The following SEMA5B variants were observed in gnomAD, a reference collection of about 807,000 sequenced individuals.
The protein encoded by SEMA5B is semaphorin-5B.
SEMA5B carries 66 observed loss-of-function variants against 135.0 expected under a neutral mutation model. The observed-to-expected ratio is 0.49, with a 90% CI of 0.40 to 0.60. SEMA5B has a LOEUF of 0.60. SEMA5B is among the 20% of genes least tolerant of loss of function. SEMA5B has a pLI of 0.00. For missense variants in SEMA5B, 1,501 were observed against 1,566.3 expected (o/e 0.96, Z 0.70); for synonymous variants, 690 against 639.5 (o/e 1.08, Z -1.19).
At chr3:122,993,781 C>T (rs1332360740) in intron 1 of SEMA5B, among the ~76,000 whole-genome samples, 7 of 151,928 alleles carry the variant, frequency 4.6e-5, no homozygotes, top group Non-Finnish European at 2.9e-5. Flanking sequence ...CCACCCCTCC[C>T]GCTCCTGCCT....
At chr3:122,952,110 T>C (rs1335443287) in intron 2 of SEMA5B, among the ~76,000 whole-genome samples, 1 of 152,162 alleles carries the variant, frequency 6.6e-6, no homozygotes, top group African/African-American at 2.4e-5. Context: ...CTCAAACTCG[T>C]TCATACTTTG....
At chr3:122,951,945 A>G (rs756989793) in intron 2 of SEMA5B, among the ~76,000 whole-genome samples, 14 of 152,220 alleles carry the variant, frequency 9.2e-5, no homozygotes, top group Non-Finnish European at 1.9e-4. Flanking sequence ...GTGAAATGGA[A>G]TAATACCCAT....
intron 3 of SEMA5B, 119 bp downstream of exon 3, chr3:122,948,387 C>T: frequency 2.5e-6 from 2 of 806,490 alleles, no homozygotes; most frequent in Non-Finnish European, 1.9e-6. Context: ...GGACGGGACC[C>T]AGCAGTTAAT....
chr3:122,956,550 C>T (rs576910059), intron 2 of SEMA5B, among the ~76,000 whole-genome samples: 1 of 152,282 alleles, frequency 6.6e-6, no homozygotes, highest in East Asian at 1.9e-4. Flanking sequence ...CGACCGGTGC[C>T]CTCTGCTCAG....
intron 1 of SEMA5B, among the ~76,000 whole-genome samples, chr3:122,985,787 G>C (rs1235269396): frequency 1.3e-5 from 2 of 152,200 alleles, no homozygotes; most frequent in Non-Finnish European, 2.9e-5. Context: ...GCCAGCCTAT[G>C]GTTCCAATCT....
chr3:123,022,490 G>T (rs1160919694), intron 1 of SEMA5B, among the ~76,000 whole-genome samples: 1 of 152,172 alleles, frequency 6.6e-6, no homozygotes, highest in African/African-American at 2.4e-5. Flanking sequence ...CATGTACTCA[G>T]GGAAAGCCCG....
chr3:122,932,242 GA>G (rs1939010308), intron 5 of SEMA5B, among the ~76,000 whole-genome samples: 1 of 54,662 alleles, frequency 1.8e-5, no homozygotes, highest in African/African-American at 5.0e-5. Context: ...CTCTCAATAT[GA>G]TTTTTTTTTT....
At chr3:122,958,994 C>G (rs553509826) in intron 2 of SEMA5B, among the ~76,000 whole-genome samples, 1 of 152,164 alleles carries the variant, frequency 6.6e-6, no homozygotes, top group Non-Finnish European at 1.5e-5. Flanking sequence ...AAGGTGATGA[C>G]CAAAAGTTTA....
chr3:123,003,864 A>G (rs1942242552), intron 1 of SEMA5B, among the ~76,000 whole-genome samples: 2 of 152,128 alleles, frequency 1.3e-5, no homozygotes, highest in South Asian at 2.1e-4. Flanking sequence ...AAATAATAAT[A>G]ATAAAAAGAA....
chr3:122,969,867 C>G (rs979814600), intron 1 of SEMA5B, among the ~76,000 whole-genome samples: 5 of 152,194 alleles, frequency 3.3e-5, no homozygotes, highest in Admixed American at 1.3e-4. Context: ...TTTGGACTTA[C>G]AGTTGAATGT....
intron 5 of SEMA5B, among the ~76,000 whole-genome samples, chr3:122,933,084 C>G (rs1369196677): frequency 6.6e-6 from 1 of 152,066 alleles, no homozygotes; most frequent in African/African-American, 2.4e-5. Context: ...CATCCTCTTC[C>G]TCATCCCCCA....
chr3:122,943,686 C>T, intron 3 of SEMA5B, 151 bp from the exon 4 acceptor site: 4 of 610,870 alleles, frequency 6.5e-6, no homozygotes, highest in South Asian at 5.9e-5. Context: ...CCTCTGTGTG[C>T]CCCTAGGGAC....
At chr3:122,997,524 C>CG (rs376584764) in intron 1 of SEMA5B, among the ~76,000 whole-genome samples, 3 of 151,374 alleles carry the variant, frequency 2.0e-5, no homozygotes, top group African/African-American at 7.3e-5. Flanking sequence ...CCTCTCCCCC[C>CG]CCCGTCTCCA....
chr3:122,988,687 T>C (rs2107708850), intron 1 of SEMA5B, among the ~76,000 whole-genome samples: 1 of 152,342 alleles, frequency 6.6e-6, no homozygotes, highest in Non-Finnish European at 1.5e-5. Context: ...CTCACATCTG[T>C]TATCTCCTAA....
At chr3:122,961,463 A>C (rs574624097) in intron 1 of SEMA5B, among the ~76,000 whole-genome samples, 162 bp from the exon 2 acceptor site, 1 of 150,704 alleles carries the variant, frequency 6.6e-6, no homozygotes, top group African/African-American at 2.4e-5. Flanking sequence ...CTTGAAACAA[A>C]CTTTTTTTTT....
intron 1 of SEMA5B, among the ~76,000 whole-genome samples, chr3:123,022,469 T>G (rs1441572480): frequency 6.6e-6 from 1 of 152,210 alleles, no homozygotes; most frequent in Non-Finnish European, 1.5e-5. Context: ...CAGCATTGCC[T>G]TTAAAGCTTT....
chr3:123,004,427 A>G (rs1942254865), intron 1 of SEMA5B, among the ~76,000 whole-genome samples: 1 of 152,252 alleles, frequency 6.6e-6, no homozygotes, highest in Non-Finnish European at 1.5e-5. Flanking sequence ...AGCCCAGTCC[A>G]TTAATTAAGG....
At chr3:122,913,459 A>G (rs780435204) in intron 16 of SEMA5B, 35 bp from the exon 17 acceptor site, 1 of 1,559,456 alleles carries the variant, frequency 6.4e-7, no homozygotes, top group Non-Finnish European at 8.6e-7. Flanking sequence ...TTAGAACCCC[A>G]CGGCCTCCAG....
chr3:122,982,409 G>A (rs1941547471), intron 1 of SEMA5B, among the ~76,000 whole-genome samples: 1 of 152,146 alleles, frequency 6.6e-6, no homozygotes, highest in Non-Finnish European at 1.5e-5. Flanking sequence ...TTTAATATCA[G>A]CCTGAGCCAG....
Sources: gnomAD v4.1 joint callset for allele counts (sites outside exome capture counted in the v4.1 genomes callset) on GRCh38, gnomAD v4.1.1 for gene constraint, MANE v1.5 for transcripts, NCBI Gene and HGNC (gene_info 2026-07-23, HGNC 2026-07-21) for gene names.